The following CTNNAL1 variants were observed in gnomAD, a reference collection of about 807,000 sequenced individuals.
CTNNAL1 encodes alpha-catulin.
A neutral mutation model predicts 93.6 loss-of-function variants in CTNNAL1; 69 were observed. The observed-to-expected ratio is 0.74, with a 90% CI of 0.61 to 0.90. CTNNAL1 has a LOEUF of 0.90. Among genes scored for constraint, CTNNAL1 ranks in the 40% least tolerant of loss-of-function variants. The pLI, the probability that CTNNAL1 is intolerant of heterozygous loss-of-function variation, is 0.00. For synonymous variants in CTNNAL1, 286 were observed against 305.4 expected (o/e 0.94, Z 0.66); for missense variants, 836 against 862.0 (o/e 0.97, Z 0.38).
chr9:108,996,803 A>G (rs1025319034), intron 2 of CTNNAL1, among the ~76,000 whole-genome samples: 2 of 152,018 alleles, frequency 1.3e-5, no homozygotes, highest in Non-Finnish European at 2.9e-5. Flanking sequence ...TGAATTGTCC[A>G]TTATGTAATG....
intron 2 of CTNNAL1, among the ~76,000 whole-genome samples, chr9:108,994,441 T>TA (rs1831941147): frequency 6.6e-6 from 1 of 151,302 alleles, no homozygotes; most frequent in Middle Eastern, 3.4e-3. Flanking sequence ...AAAGAACGAG[T>TA]AAAAAAATGG....
At position 108,999,107 on chromosome 9, in the gene CTNNAL1, T is replaced by C. The variant is rs1832130106; in HGVS notation, c.291A>G (p.Lys97=). ...EAIANENWDL[K]EEINIACIEA... ...CAATACAAGCAATATTTATTTCTTC[T>C]TTCAAATCCCAGTTTTCATTGGCTA... Residue 97 remains lysine, a synonymous_variant, in exon 2 of 19, where the codon AAA becomes AAG. Coordinates refer to ENST00000325551, the MANE Select transcript of CTNNAL1 (RefSeq NM_003798.4). The C allele has an allele frequency of 1.9e-6, 3 of 1,610,528 alleles. No homozygotes were observed. Among genetic ancestry groups the C allele is most frequent in the South Asian group, 2.2e-5 (2 of 89,704 alleles).
Position 108,979,328 on chromosome 9 carries a change from G to A in CTNNAL1, c.1054C>T (p.Gln352Ter). The change falls in exon 7 of 19, where the codon CAG becomes TAG. Residue 352 changes from glutamine (Q) to a stop codon, truncating the protein, a stop_gained. Coordinates refer to ENST00000325551, the MANE Select transcript of CTNNAL1 (RefSeq NM_003798.4). LOFTEE classifies it high-confidence loss of function. ...HRERILELST[Q>*]ARMELQQLIS... ...AACTGCTGCAGTTCCATTCTCGCCTGAGTTGACAGTTCCAAGATGCGTTCT... is the reference window on the plus strand; with the variant it reads ...AACTGCTGCAGTTCCATTCTCGCCTAAGTTGACAGTTCCAAGATGCGTTCT... 6.2e-7 allele frequency: 1 copy of A among 1,614,172 alleles called. No individual in the cohort carries two copies. Among genetic ancestry groups the A allele is most frequent in the Non-Finnish European group, 8.5e-7 (1 of 1,180,030 alleles).
intron 2 of CTNNAL1, among the ~76,000 whole-genome samples, chr9:108,993,908 C>T (rs1460997469): frequency 1.3e-5 from 2 of 152,204 alleles, no homozygotes; most frequent in East Asian, 3.9e-4. Context: ...ATGGAGAGGC[C>T]ACAGGGTGAA....
In CTNNAL1 at chr9:108,964,945, C is replaced by T. The variant is rs534660811; in HGVS notation, c.1591+433G>A. 2.0e-3 allele frequency among the ~76,000 whole-genome samples: 310 copies of T among 152,152 alleles called. 1 individual carries two copies. The highest frequency in any genetic ancestry group is 3.4e-3 in the Non-Finnish European group (228 of 68,010). ...TGGCGCCATCTCAGCTCACTGCAACCTCCGCCTCCCGGGTTCAAGTGATTC... is the reference window on the plus strand; with the variant it reads ...TGGCGCCATCTCAGCTCACTGCAACTTCCGCCTCCCGGGTTCAAGTGATTC... On this transcript the variant is annotated intron_variant, in intron 11 of 18. Coordinates refer to ENST00000325551, the MANE Select transcript of CTNNAL1 (RefSeq NM_003798.4).
chr9:108,999,271 T>C lies in CTNNAL1; in HGVS notation c.142-15A>G. The C allele has an allele frequency of 6.4e-7, 1 of 1,572,788 alleles. No individual in the cohort carries two copies. Among genetic ancestry groups the C allele is most frequent in the Non-Finnish European group, 8.6e-7 (1 of 1,165,998 alleles). ...AGCGTGGTGATCTAAAAATAAAAGA[T>C]AAAAGCAACTTTTATCTCAATACCT... On this transcript the variant is annotated splice_polypyrimidine_tract_variant and intron_variant, in intron 1 of 18. Coordinates refer to ENST00000325551, the MANE Select transcript of CTNNAL1 (RefSeq NM_003798.4).
chr9:108,963,162 A>G (rs1376583769), intron 11 of CTNNAL1, among the ~76,000 whole-genome samples: 1 of 152,240 alleles, frequency 6.6e-6, no homozygotes, highest in Non-Finnish European at 1.5e-5. Context: ...CCTGGGATTA[A>G]GGCAGAGAAT....
intron 5 of CTNNAL1, 121 bp from the exon 6 acceptor site, chr9:108,983,436 G>A (rs1831499956): frequency 3.5e-6 from 4 of 1,131,984 alleles, no homozygotes; most frequent in Middle Eastern, 3.3e-4. Flanking sequence ...CTGGGTCCCT[G>A]GCTCACTCAG....
rs1331460902 is a variant in CTNNAL1, at chr9:108,990,711, GTGA to G, written c.639+12_639+14del. 6.2e-7 allele frequency: 1 copy of G among 1,606,872 alleles called. No homozygotes were observed. The highest frequency in any genetic ancestry group is 1.1e-5 in the South Asian group (1 of 89,220). ...TGTATTTATCTGAAGATTGTAAAAT[GTGA>G]TGAATACATACATTTTGTCTATCTC... is the stretch of plus-strand genomic sequence containing the variant. On this transcript the variant is annotated intron_variant, in intron 4 of 18. Coordinates refer to ENST00000325551, the MANE Select transcript of CTNNAL1 (RefSeq NM_003798.4).
intron 11 of CTNNAL1, among the ~76,000 whole-genome samples, chr9:108,961,590 T>TA (rs1471614368): frequency 6.6e-6 from 1 of 152,198 alleles, no homozygotes; most frequent in African/African-American, 2.4e-5. Flanking sequence ...TGATTTTTTT[T>TA]AACATAAGTT....
At chr9:108,952,958 A>G (rs552642058) in intron 12 of CTNNAL1, among the ~76,000 whole-genome samples, 1 of 152,318 alleles carries the variant, frequency 6.6e-6, no homozygotes, top group Non-Finnish European at 1.5e-5. Flanking sequence ...TGACTCCAGA[A>G]TTCAATTCCT....
intron 15 of CTNNAL1, 103 bp from the exon 16 acceptor site, chr9:108,944,121 C>G: frequency 8.7e-7 from 1 of 1,153,796 alleles, no homozygotes; most frequent in Non-Finnish European, 1.2e-6. Flanking sequence ...AAAAATAAAG[C>G]CTAGATATAA....
chr9:108,972,864 G>GGGGGGGCCGCCCCCCC, intron 8 of CTNNAL1, 31 bp from the exon 9 acceptor site: 2 of 142,590 alleles, frequency 1.4e-5, no homozygotes, highest in Non-Finnish European at 2.0e-5. Flanking sequence ...GGGGGGGTGG[G>GGGGGGGCCGCCCCCCC]AGGGTGGAGA....
At chr9:108,990,988 G>A (rs1398598183) in intron 3 of CTNNAL1, 143 bp from the exon 4 acceptor site, 2 of 838,086 alleles carry the variant, frequency 2.4e-6, no homozygotes, top group African/African-American at 1.7e-5. Context: ...GACACACAAG[G>A]GGATGCTCAG....
chr9:108,965,986 C>T (rs1323387825), intron 10 of CTNNAL1, among the ~76,000 whole-genome samples: 1 of 152,132 alleles, frequency 6.6e-6, no homozygotes, highest in African/African-American at 2.4e-5. Context: ...TTGGTAGATA[C>T]ATGCTTGAGA....
At chr9:108,998,915 A>T in intron 2 of CTNNAL1, 152 bp downstream of exon 2, 1 of 862,440 alleles carries the variant, frequency 1.2e-6, no homozygotes, top group Non-Finnish European at 1.7e-6. Flanking sequence ...AGCCAAGTGC[A>T]GTATTCGCGG....
intron 3 of CTNNAL1, chr9:108,992,003 T>G (rs771057466): frequency 8.1e-6 from 6 of 743,008 alleles, no homozygotes; most frequent in Non-Finnish European, 1.3e-5. Flanking sequence ...ACAGAAATTT[T>G]GTAGTTGTGG....
chr9:108,966,303 T>C (rs28361150), intron 10 of CTNNAL1, among the ~76,000 whole-genome samples: 8,542 of 152,290 alleles, frequency 0.056, 812 homozygotes, highest in African/African-American at 0.2. Flanking sequence ...ATAAATGTGT[T>C]GAATAAATAA....
rs187365375 is a variant in CTNNAL1, at chr9:109,003,682, G to C, written c.142-4426C>G. Among the ~76,000 whole-genome samples the C allele has an allele frequency of 7.6e-4, 115 of 152,216 alleles. 2 individuals are homozygous for C. The highest frequency in any genetic ancestry group is 3.9e-4 in the East Asian group (2 of 5,178). On this transcript the variant is annotated intron_variant, in intron 1 of 18. Coordinates refer to ENST00000325551, the MANE Select transcript of CTNNAL1 (RefSeq NM_003798.4). ...TTTCTATTTTCTCATTTTTTGAACA[G>C]AAGAGTCTATAGTAGTCATCCTAAA...
Sources: gnomAD v4.1 joint callset for allele counts (sites outside exome capture counted in the v4.1 genomes callset) on GRCh38, gnomAD v4.1.1 for gene constraint, MANE v1.5 for transcripts, NCBI Gene and HGNC (gene_info 2026-07-23, HGNC 2026-07-21) for gene names.